PLOD1: variants seen among roughly 807,000 people sequenced by gnomAD.
The protein encoded by PLOD1 is procollagen-lysine,2-oxoglutarate 5-dioxygenase 1.
A neutral mutation model predicts 94.7 loss-of-function variants in PLOD1; 70 were observed. That is an observed-to-expected ratio of 0.74 (90% CI 0.61 to 0.90). The LOEUF (loss-of-function observed/expected upper bound fraction) is 0.90, where lower values mean the gene tolerates loss of function less well. Ranked by LOEUF, PLOD1 falls within the 40% of genes least tolerant of loss-of-function variation. The pLI, the probability that PLOD1 is intolerant of heterozygous loss-of-function variation, is 0.00. For synonymous variants in PLOD1, 417 were observed against 400.2 expected (o/e 1.04, Z -0.50); for missense variants, 905 against 972.7 (o/e 0.93, Z 0.93).
intron 1 of PLOD1, among the ~76,000 whole-genome samples, chr1:11,937,632 T>C (rs778267900): frequency 1.8e-4 from 27 of 152,042 alleles, no homozygotes; most frequent in Admixed American, 4.6e-4. Context: ...GTGAGTTGAA[T>C]TGAAGAGGGA....
chr1:11,968,927 G>A (rs1176692597), intron 16 of PLOD1, among the ~76,000 whole-genome samples: 1 of 149,012 alleles, frequency 6.7e-6, no homozygotes, highest in African/African-American at 2.5e-5. Flanking sequence ...GTGCGATCTC[G>A]GCTCACTGAA....
At chr1:11,960,436 G>C (rs1645769857) in intron 9 of PLOD1, among the ~76,000 whole-genome samples, 1 of 152,218 alleles carries the variant, frequency 6.6e-6, no homozygotes, top group East Asian at 1.9e-4. Context: ...GCCTGACCTG[G>C]TCAGAGGAGA....
At chr1:11,936,809 C>T (rs1343413009) in intron 1 of PLOD1, among the ~76,000 whole-genome samples, 1 of 151,368 alleles carries the variant, frequency 6.6e-6, no homozygotes, top group Non-Finnish European at 1.5e-5. Flanking sequence ...AGGTGGGAGC[C>T]ACTGCACCCA....
chr1:11,964,331 G>GGGGGGGGGGGGGGGGC, intron 12 of PLOD1, 31 bp downstream of exon 12: 1 of 1,456,166 alleles, frequency 6.9e-7, no homozygotes, highest in Non-Finnish European at 9.6e-7. Flanking sequence ...GGTGGGTGGG[G>GGGGGGGGGGGGGGGGC]GACACCTTCA....
intron 17 of PLOD1, among the ~76,000 whole-genome samples, chr1:11,971,292 G>C (rs953885681): frequency 1.4e-5 from 2 of 142,092 alleles, no homozygotes; most frequent in African/African-American, 5.2e-5. Flanking sequence ...AGGGGCTGGG[G>C]AAGGGGTTGG....
intron 10 of PLOD1, among the ~76,000 whole-genome samples, chr1:11,961,841 C>T (rs779804019): frequency 3.3e-5 from 5 of 151,998 alleles, no homozygotes; most frequent in African/African-American, 7.2e-5. Context: ...CAGGCTGGAG[C>T]GCAGTGGCGC....
At chr1:11,937,390 C>T (rs957622246) in intron 1 of PLOD1, among the ~76,000 whole-genome samples, 4 of 152,206 alleles carry the variant, frequency 2.6e-5, no homozygotes, top group African/African-American at 9.6e-5. Context: ...CTCTCCCAGT[C>T]CCAGGGCTGC....
chr1:11,955,553 T>G (rs890823235), intron 6 of PLOD1, among the ~76,000 whole-genome samples: 45 of 152,184 alleles, frequency 3.0e-4, no homozygotes, highest in African/African-American at 1.0e-3. Context: ...AAATGCCCTT[T>G]GCCTGTGGTT....
At chr1:11,970,383 A>G (rs193075668) in intron 16 of PLOD1, among the ~76,000 whole-genome samples, 83 of 152,316 alleles carry the variant, frequency 5.4e-4, no homozygotes, top group African/African-American at 1.9e-3. Flanking sequence ...CAGTGAGCTG[A>G]AGTTGCGCCA....
intron 10 of PLOD1, among the ~76,000 whole-genome samples, chr1:11,961,824 C>T (rs570920826): frequency 3.9e-5 from 6 of 152,192 alleles, no homozygotes; most frequent in South Asian, 2.1e-4. Flanking sequence ...AGTCTCACTC[C>T]GTCACTCAGG....
chr1:11,946,074 A>G (rs1408825062), intron 1 of PLOD1, among the ~76,000 whole-genome samples: 1 of 152,052 alleles, frequency 6.6e-6, no homozygotes, highest in Non-Finnish European at 1.5e-5. Context: ...GATCTCATTT[A>G]ATTACTCCAG....
intron 6 of PLOD1, 46 bp downstream of exon 6, chr1:11,954,939 G>A: frequency 1.4e-6 from 2 of 1,445,792 alleles, no homozygotes; most frequent in African/African-American, 1.4e-5. Flanking sequence ...AGGGGTGATA[G>A]GAAGAATTCC....
chr1:11,960,429 T>A (rs574901083), intron 9 of PLOD1, among the ~76,000 whole-genome samples: 5 of 152,322 alleles, frequency 3.3e-5, no homozygotes, highest in South Asian at 4.1e-4. Context: ...TTAGGAGGCC[T>A]GACCTGGTCA....
chr1:11,944,548 G>A, intron 1 of PLOD1: 1 of 1,351,704 alleles, frequency 7.4e-7, no homozygotes, highest in South Asian at 1.2e-5. Flanking sequence ...GGGCCTCAGA[G>A]CTGGTGGCTC....
At chr1:11,935,270 A>C (rs567511776) in intron 1 of PLOD1, among the ~76,000 whole-genome samples, 36 of 152,084 alleles carry the variant, frequency 2.4e-4, no homozygotes, top group African/African-American at 8.2e-4. Flanking sequence ...AAGATCATAC[A>C]ACTTGTGGGC....
chr1:11,943,282 C>A (rs1013370954), intron 1 of PLOD1, among the ~76,000 whole-genome samples: 1 of 145,274 alleles, frequency 6.9e-6, no homozygotes, highest in Non-Finnish European at 1.5e-5. Context: ...GCCACCGTGC[C>A]CGGCTTTTTT....
intron 17 of PLOD1, among the ~76,000 whole-genome samples, chr1:11,971,336 T>C (rs575153382): frequency 6.8e-6 from 1 of 146,454 alleles, no homozygotes; most frequent in East Asian, 2.0e-4. Flanking sequence ...TCCCAGCTTA[T>C]GGGAGAGGCC....
At chr1:11,973,415 T>C (rs1645880245) in intron 18 of PLOD1, among the ~76,000 whole-genome samples, 1 of 151,850 alleles carries the variant, frequency 6.6e-6, no homozygotes, top group Non-Finnish European at 1.5e-5. Flanking sequence ...CATGAGAATC[T>C]CTTGAACCCA....
chr1:11,969,707 C>T (rs933961830), intron 16 of PLOD1, among the ~76,000 whole-genome samples: 11 of 152,200 alleles, frequency 7.2e-5, no homozygotes, highest in Non-Finnish European at 1.2e-4. Context: ...ATCTGAGGCC[C>T]AGGATTCCAT....
Sources: gnomAD v4.1 joint callset for allele counts (sites outside exome capture counted in the v4.1 genomes callset) on GRCh38, gnomAD v4.1.1 for gene constraint, MANE v1.5 for transcripts, NCBI Gene and HGNC (gene_info 2026-07-23, HGNC 2026-07-21) for gene names.